The following MYBPC1 variants were observed in gnomAD, a reference collection of about 807,000 sequenced individuals.
MYBPC1 encodes the protein myosin binding protein C1.
In MYBPC1, 52 loss-of-function variants were observed where a neutral mutation model predicts 147.1. The ratio of observed to expected loss-of-function variants is 0.35; its 90% CI spans 0.28 to 0.45. The LOEUF is 0.45. Ranked by LOEUF, MYBPC1 falls within the 20% of genes least tolerant of loss-of-function variation. The pLI, the probability that MYBPC1 is intolerant of heterozygous loss-of-function variation, is 1.00. For synonymous variants in MYBPC1, 477 were observed against 475.9 expected, an observed-to-expected ratio of 1.00 and a Z score of -0.03; for missense variants, 1,228 against 1,440.3, an observed-to-expected ratio of 0.85 and a Z score of 2.39.
At chr12:101,672,909 G>A (rs946446425) in intron 24 of MYBPC1, among the ~76,000 whole-genome samples, 2 of 152,126 alleles carry the variant, frequency 1.3e-5, no homozygotes, top group Non-Finnish European at 2.9e-5. Flanking sequence ...AGCTTTCTCA[G>A]CACTTTAATC....
At chr12:101,614,311 T>G (rs1044173893) in intron 1 of MYBPC1, among the ~76,000 whole-genome samples, 185 bp from the exon 2 acceptor site, 11 of 150,224 alleles carry the variant, frequency 7.3e-5, no homozygotes, top group Non-Finnish European at 1.3e-4. Context: ...TGCAGTAGGG[T>G]GTGTGTGTGT....
intron 15 of MYBPC1, 108 bp from the exon 16 acceptor site, chr12:101,651,123 T>C (rs1894350725): frequency 4.1e-6 from 5 of 1,233,090 alleles, no homozygotes; most frequent in Non-Finnish European, 6.0e-6. Flanking sequence ...GCTTCTCACT[T>C]TCAAAACAAA....
At chr12:101,625,104 CAT>C (rs1565913475) in intron 3 of MYBPC1, among the ~76,000 whole-genome samples, 3 of 151,722 alleles carry the variant, frequency 2.0e-5, no homozygotes, top group Admixed American at 2.0e-4. Flanking sequence ...TAAGTCTGAC[CAT>C]ACATCACTGT....
rs193025262 is a variant in MYBPC1 at position 101,654,129 on chromosome 12, C to T, written c.1767+881C>T. On this transcript the variant is annotated intron_variant, in intron 18 of 31. Transcript: ENST00000361466. ...GGCTGAGGCACAAGAATTGCTGGAACCCGGGAGGCAGAGGTTGCAGTGAGC... is the reference window on the plus strand; with the variant it reads ...GGCTGAGGCACAAGAATTGCTGGAATCCGGGAGGCAGAGGTTGCAGTGAGC... Among the ~76,000 whole-genome samples the T allele has an allele frequency of 9.9e-4, 150 of 152,274 alleles. 3 individuals are homozygous for T. The East Asian group carries it at 0.022, about 22-fold the overall frequency.
Position 101,662,499 on chromosome 12 carries a change from T to C in MYBPC1, c.2174T>C (p.Ile725Thr). 1 of 1,614,210 alleles carries C rather than the reference T, an allele frequency of 6.2e-7. No homozygotes were observed. The highest frequency in any genetic ancestry group is 8.5e-7 in the Non-Finnish European group (1 of 1,180,032). The stretch of plus-strand genomic sequence containing the variant: ...GTCCGCATCTTTGCAGTCAATGCCA[T>C]TGGCATCTCCAAGCCCAGTATGCCC... ...YEVRIFAVNA[I>T]GISKPSMPSR... The change falls in exon 21 of 32, where the codon ATT becomes ACT. Residue 725 changes from isoleucine to threonine, a missense_variant. Ile to Thr is a moderately conservative substitution (Grantham distance 89). Transcript: ENST00000361466.
At chr12:101,672,790 G>A (rs1037382733) in intron 24 of MYBPC1, among the ~76,000 whole-genome samples, 2 of 152,210 alleles carry the variant, frequency 1.3e-5, no homozygotes, top group Non-Finnish European at 2.9e-5. Flanking sequence ...GGAGGTTGCA[G>A]TGAGCCAAGA....
intron 6 of MYBPC1, among the ~76,000 whole-genome samples, chr12:101,630,800 C>T (rs953521115): frequency 1.4e-4 from 22 of 152,068 alleles, no homozygotes; most frequent in Admixed American, 1.4e-3. Context: ...GGAGGAGGAC[C>T]TGAGGGTTGA....
At position 101,652,704 on chromosome 12, in the gene MYBPC1, C is replaced by A; in HGVS notation, c.1553C>A (p.Ala518Asp). ...ATCCACAAGTTAGTGATAGCCAATGCCCTCACTGAAGATGAAGGTGATTAT... is the reference window on the plus strand; with the variant it reads ...ATCCACAAGTTAGTGATAGCCAATGACCTCACTGAAGATGAAGGTGATTAT... Reference protein sequence around the residue: ...GRIHKLVIANALTEDEGDYVF... With the variant: ...GRIHKLVIANDLTEDEGDYVF... The change falls in exon 17 of 32, where the codon GCC becomes GAC. Residue 518 changes from alanine to aspartate, a missense_variant. By Grantham distance (126) the Ala-to-Asp change is moderately radical. This residue lies in a region of MYBPC1 where 1,077 missense variants were observed against 1,314.2 expected (regional missense o/e 0.82). Coordinates refer to ENST00000361466, the MANE Select transcript of MYBPC1 (RefSeq NM_002465.4). 1 of 1,613,468 alleles carries A rather than the reference C, an allele frequency of 6.2e-7. No homozygotes were observed. The highest frequency in any genetic ancestry group is 8.5e-7 in the Non-Finnish European group (1 of 1,179,460).
intron 1 of MYBPC1, 70 bp from the exon 2 acceptor site, chr12:101,614,426 G>A (rs1885314801): frequency 1.3e-6 from 2 of 1,574,076 alleles, no homozygotes; most frequent in Admixed American, 1.7e-5. Flanking sequence ...GAAGCTGCCT[G>A]GGGCTGTAGA....
chr12:101,689,966 G>A (rs1951392527), downstream of MYBPC1, among the ~76,000 whole-genome samples: 1 of 152,200 alleles, frequency 6.6e-6, no homozygotes, highest in South Asian at 2.1e-4. Context: ...CCTGAGGTCA[G>A]AAGTTGGAGA....
At chr12:101,674,067 T>C (rs572529175) in intron 25 of MYBPC1, among the ~76,000 whole-genome samples, 5 of 152,188 alleles carry the variant, frequency 3.3e-5, no homozygotes, top group Non-Finnish European at 7.4e-5. Flanking sequence ...AAAAGGACAG[T>C]AAGATTTGTT....
intron 28 of MYBPC1, 60 bp from the exon 29 acceptor site, chr12:101,680,283 T>C: frequency 2.0e-6 from 3 of 1,494,066 alleles, no homozygotes; most frequent in Non-Finnish European, 2.8e-6. Flanking sequence ...GCTTTGATGG[T>C]CTATTAATAT....
intron 1 of MYBPC1, among the ~76,000 whole-genome samples, chr12:101,601,258 C>A (rs1879798455): frequency 6.6e-6 from 1 of 152,062 alleles, no homozygotes; most frequent in African/African-American, 2.4e-5. Flanking sequence ...ACAAAGACAG[C>A]CCCCCCAAAG....
the MYBPC1 span, among the ~76,000 whole-genome samples, chr12:101,693,681 TG>T: frequency 1.3e-5 from 2 of 152,172 alleles, no homozygotes; most frequent in Non-Finnish European, 2.9e-5. Flanking sequence ...GAGGTTGCAG[TG>T]AGTTCAGATT....
At chr12:101,644,864 T>A in intron 12 of MYBPC1, 68 bp downstream of exon 12, 2 of 1,419,962 alleles carry the variant, frequency 1.4e-6, no homozygotes, top group East Asian at 4.7e-5. Flanking sequence ...TTCGACTGAC[T>A]TTTCTGAGAA....
intron 1 of MYBPC1, among the ~76,000 whole-genome samples, chr12:101,611,734 G>A (rs943081907): frequency 2.0e-5 from 3 of 152,180 alleles, no homozygotes; most frequent in Admixed American, 6.5e-5. Flanking sequence ...AAGAGAATGT[G>A]TTATGATGTA....
At chr12:101,617,515 C>T (rs373062523) in intron 3 of MYBPC1, among the ~76,000 whole-genome samples, 7 of 152,188 alleles carry the variant, frequency 4.6e-5, no homozygotes, top group South Asian at 2.1e-4. Flanking sequence ...TTCCAAGTTT[C>T]GACATGCATG....
chr12:101,611,988 A>G (rs952212231), intron 1 of MYBPC1, among the ~76,000 whole-genome samples: 12 of 151,934 alleles, frequency 7.9e-5, no homozygotes, highest in Non-Finnish European at 7.4e-5. Context: ...GAGGCAGGAG[A>G]ATTGCTTGAA....
At chr12:101,644,491 A>G (rs1030079139) in intron 11 of MYBPC1, among the ~76,000 whole-genome samples, 173 bp from the exon 12 acceptor site, 5 of 152,232 alleles carry the variant, frequency 3.3e-5, no homozygotes, top group Non-Finnish European at 7.3e-5. Context: ...ATCTTATTGT[A>G]TATAAGTCAA....
Sources: allele counts gnomAD v4.1 joint callset (sites outside exome capture counted in the v4.1 genomes callset), GRCh38; gene constraint gnomAD v4.1.1; regional missense constraint gnomAD v4.1.1; transcripts MANE v1.5; gene names NCBI Gene and HGNC (gene_info 2026-07-23, HGNC 2026-07-21).